Variants in LAMP2 observed in about 807,000 individuals in gnomAD.
LAMP2 encodes lysosome-associated membrane glycoprotein 2.
In LAMP2, 4 loss-of-function variants were observed where a neutral mutation model predicts 25.6. The observed-to-expected ratio is 0.16, with a 90% CI of 0.08 to 0.36. LAMP2 has a LOEUF of 0.36. Among genes scored for constraint, LAMP2 ranks in the 10% least tolerant of loss-of-function variants. The pLI is 1.00. For missense variants in LAMP2, 272 were observed against 301.4 expected (o/e 0.90, Z 0.72); for synonymous variants, 108 against 112.7 (o/e 0.96, Z 0.27).
At chrX:120,433,509 T>C (rs940581151) in intron 8 of LAMP2, among the ~76,000 whole-genome samples, 1 of 111,619 alleles carries the variant, frequency 9.0e-6, no homozygotes, top group Non-Finnish European at 1.9e-5. Context: ...AGAGATTGAA[T>C]TCCAAAAGCG....
chrX:120,454,318 CCT>C (rs778258214), intron 3 of LAMP2, among the ~76,000 whole-genome samples: 49 of 110,905 alleles, frequency 4.4e-4, no homozygotes, highest in African/African-American at 1.5e-3. Flanking sequence ...AATGATACCC[CCT>C]GAGTGTAATG....
intron 3 of LAMP2, among the ~76,000 whole-genome samples, chrX:120,451,249 A>T (rs2058620085): frequency 8.9e-6 from 1 of 111,763 alleles, no homozygotes; most frequent in African/African-American, 3.3e-5. Flanking sequence ...TCACGAAAAA[A>T]ATTTAAAAAA....
intron 6 of LAMP2, among the ~76,000 whole-genome samples, chrX:120,443,903 T>C (rs1270432143): frequency 2.7e-5 from 3 of 109,702 alleles, no homozygotes; most frequent in Non-Finnish European, 5.7e-5. Context: ...ATCGCTTGAA[T>C]CTGGGAGGCG....
chrX:120,439,034 C>T lies in LAMP2; in HGVS notation c.1093+2696G>A. 1.5e-5 allele frequency: 17 copies of T among 1,148,365 alleles called. No individual in the cohort carries two copies. In the South Asian group the frequency reaches 2.9e-4, roughly 20 times the overall value. 94.6% of individuals were successfully genotyped at this position (1,148,365 alleles called of 1,213,427 possible). A position where few individuals can be genotyped will look rare whatever the true frequency, so the allele number is the denominator to read the frequency against. ...TTTTTTGTTTAAGTTTGAAATCCCC[C>T]ATACCACCCATTCTAAAGAGCTGGA... On this transcript the variant is annotated intron_variant, in intron 8 of 8. Coordinates refer to ENST00000200639, the MANE Select transcript of LAMP2 (RefSeq NM_002294.3).
At chrX:120,440,460 G>A (rs1045861733) in intron 8 of LAMP2, among the ~76,000 whole-genome samples, 42 of 111,824 alleles carry the variant, frequency 3.8e-4, no homozygotes, top group African/African-American at 9.8e-4. Flanking sequence ...CCACAGCCAA[G>A]AACCTAGTTC....
At chrX:120,447,817 A>G (rs2058603930) in intron 5 of LAMP2, 24 bp downstream of exon 5, 1 of 1,165,945 alleles carries the variant, frequency 8.6e-7, no homozygotes, top group Non-Finnish European at 1.2e-6. Context: ...AAAAGGATGT[A>G]TTGATAAAGA....
At chrX:120,461,785 A>G (rs1921322646) in intron 1 of LAMP2, among the ~76,000 whole-genome samples, 1 of 112,142 alleles carries the variant, frequency 8.9e-6, no homozygotes. Flanking sequence ...ACACACTGCA[A>G]TAGGGACCCA....
At chrX:120,441,187 T>G (rs867711912) in intron 8 of LAMP2, among the ~76,000 whole-genome samples, 1 of 105,586 alleles carries the variant, frequency 9.5e-6, no homozygotes, top group Non-Finnish European at 2.0e-5. Flanking sequence ...CTTCAAAAGG[T>G]TTCATTAAAA....
rs1305246794 is a variant in LAMP2, at chrX:120,427,629, CACAA to C, written c.*3690_*3693del. ...AGGGAATGGGAGAGTGCAGGAGGCA[CACAA>C]ACAAAGTATATAGAGTTTTTGTTTT... On this transcript the variant is annotated 3_prime_UTR_variant, in exon 9 of 9. Transcript: ENST00000200639. Among the ~76,000 whole-genome samples, 8 of 111,696 alleles carry C rather than the reference CACAA, an allele frequency of 7.2e-5. No homozygotes were observed. The highest frequency in any genetic ancestry group is 1.3e-4 in the Non-Finnish European group (7 of 53,096).
intron 3 of LAMP2, among the ~76,000 whole-genome samples, chrX:120,455,057 A>G (rs1452734680): frequency 1.7e-4 from 18 of 103,309 alleles, no homozygotes; most frequent in African/African-American, 6.0e-4. Flanking sequence ...TAGGATATAC[A>G]TATATATGTA....
At chrX:120,446,803 G>A (rs978993071) in intron 5 of LAMP2, among the ~76,000 whole-genome samples, 4 of 110,819 alleles carry the variant, frequency 3.6e-5, no homozygotes, top group African/African-American at 9.9e-5. Flanking sequence ...TCATGTACTC[G>A]GGCATGTCTA....
chrX:120,449,834 G>A (rs966336721), intron 3 of LAMP2, among the ~76,000 whole-genome samples: 2 of 111,026 alleles, frequency 1.8e-5, no homozygotes, highest in African/African-American at 6.6e-5. Flanking sequence ...ATAAGCAGGG[G>A]GAAAAACTTT....
chrX:120,454,934 G>GATAT (rs397842673), intron 3 of LAMP2, among the ~76,000 whole-genome samples: 1,756 of 81,531 alleles, frequency 0.022, 31 homozygotes, highest in African/African-American at 0.043. Context: ...CACACACTAG[G>GATAT]ATATATATAT....
chrX:120,469,205 G>A lies in LAMP2; in HGVS notation c.-36C>T. 1.7e-6 allele frequency: 2 copies of A among 1,185,139 alleles called. No homozygotes were observed. Among genetic ancestry groups the A allele is most frequent in the Non-Finnish European group, 2.3e-6 (2 of 871,711 alleles). On this transcript the variant is annotated 5_prime_UTR_variant, in exon 1 of 9. Coordinates refer to ENST00000200639, the MANE Select transcript of LAMP2 (RefSeq NM_002294.3). Reference sequence around the variant, plus strand: ...AGCAGGCGGCGACGGCGGCGACGGCGGCGGTACAACAACAGCTGCAACACC... The same window carrying A: ...AGCAGGCGGCGACGGCGGCGACGGCAGCGGTACAACAACAGCTGCAACACC...
At position 120,429,504 on chromosome X, in the gene LAMP2, CTCTTT is replaced by C; in HGVS notation, c.*1814_*1818del. On this transcript the variant is annotated 3_prime_UTR_variant, in exon 9 of 9. Coordinates refer to ENST00000200639, the MANE Select transcript of LAMP2 (RefSeq NM_002294.3). ...GAGGTCAACAAGTATTCATTCTCTTCTCTTTTCCTCTTATGCTCATGATCCCATCT... is the reference window on the plus strand; with the variant it reads ...GAGGTCAACAAGTATTCATTCTCTTCTCCTCTTATGCTCATGATCCCATCT... 3 of 736,659 alleles carry C rather than the reference CTCTTT, an allele frequency of 4.1e-6. No homozygotes were observed. The highest frequency in any genetic ancestry group is 4.8e-6 in the Non-Finnish European group (3 of 623,640). 60.7% of individuals were successfully genotyped at this position (736,659 alleles called of 1,213,427 possible). A position where few individuals can be genotyped will look rare whatever the true frequency, so the allele number is the denominator to read the frequency against.
intron 1 of LAMP2, 86 bp downstream of exon 1, chrX:120,469,020 C>G (rs1284227329): frequency 1.2e-5 from 12 of 1,037,829 alleles, no homozygotes; most frequent in East Asian, 3.0e-5. Context: ...ACCCCCTCCC[C>G]CTCGGACCAG....
chrX:120,430,462 T>C lies in LAMP2; in HGVS notation c.*861A>G. The C allele has an allele frequency of 2.7e-6, 2 of 752,235 alleles. No individual in the cohort carries two copies. The highest frequency in any genetic ancestry group is 3.1e-6 in the Non-Finnish European group (2 of 637,302). The allele number at this position is 752,235 out of a possible 1,213,427, so 62.0% of individuals were successfully genotyped here. On this transcript the variant is annotated 3_prime_UTR_variant, in exon 9 of 9. Coordinates refer to ENST00000200639, the MANE Select transcript of LAMP2 (RefSeq NM_002294.3). ...TGCTCCAGAGATCAACAAGATGAGGTAGAGAAACACAACACAATCTGTCCT... is the reference window on the plus strand; with the variant it reads ...TGCTCCAGAGATCAACAAGATGAGGCAGAGAAACACAACACAATCTGTCCT...
intron 1 of LAMP2, among the ~76,000 whole-genome samples, chrX:120,466,918 C>G (rs1415405643): frequency 9.3e-6 from 1 of 107,425 alleles, no homozygotes; most frequent in Non-Finnish European, 1.9e-5. Context: ...TCTTGGCTCA[C>G]CGCAACCTCC....
At chrX:120,447,618 G>A (rs1348347654) in intron 5 of LAMP2, among the ~76,000 whole-genome samples, 2 of 105,492 alleles carry the variant, frequency 1.9e-5, no homozygotes, top group Non-Finnish European at 3.9e-5. Context: ...GCTGAGGCAG[G>A]AGAATGGCGT....
Sources: allele counts gnomAD v4.1 joint callset (sites outside exome capture counted in the v4.1 genomes callset), GRCh38; gene constraint gnomAD v4.1.1; transcripts MANE v1.5; gene names NCBI Gene and HGNC (gene_info 2026-07-23, HGNC 2026-07-21).